Variants in GNA12 observed in about 807,000 individuals in gnomAD.
GNA12 encodes G protein subunit alpha 12, also known as guanine nucleotide-binding protein subunit alpha-12.
GNA12 carries 9 observed loss-of-function variants against 26.0 expected under a neutral mutation model. That is an observed-to-expected ratio of 0.35 (90% confidence interval 0.21 to 0.60). The LOEUF is 0.60. Among genes scored for constraint, GNA12 ranks in the 20% least tolerant of loss-of-function variants. The probability of loss-of-function intolerance (pLI) is 0.78; values close to 1 mark genes in which losing one functional copy is unlikely to be tolerated. For synonymous variants in GNA12, 264 were observed against 219.6 expected (o/e 1.20, Z -1.79); for missense variants, 405 against 525.8 (o/e 0.77, Z 2.25).
chr7:2,804,908 A>ATTT lies in GNA12; in HGVS notation c.310-9766_310-9765insAAA, dbSNP rs1426351064. The stretch of plus-strand genomic sequence containing the variant: ...ACCCTATCTCTATTAAAATAAATTA[A>ATTT]AAAAAAAAAGATATTGAAGAGGATA... On this transcript the variant is annotated intron_variant, in intron 1 of 3. Coordinates refer to ENST00000275364, the MANE Select transcript of GNA12 (RefSeq NM_007353.3). Among the ~76,000 whole-genome samples the ATTT allele has an allele frequency of 1.2e-3, 183 of 149,866 alleles. 1 individual carries two copies. Among genetic ancestry groups the ATTT allele is most frequent in the African/African-American group, 4.2e-3 (171 of 40,814 alleles).
At chr7:2,787,603 G>A (rs893720956) in intron 2 of GNA12, among the ~76,000 whole-genome samples, 1 of 152,206 alleles carries the variant, frequency 6.6e-6, no homozygotes, top group African/African-American at 2.4e-5. Context: ...AAGCTACGTT[G>A]GTGAGAGCTA....
chr7:2,830,249 T>G (rs964277424), intron 1 of GNA12, among the ~76,000 whole-genome samples: 2 of 152,158 alleles, frequency 1.3e-5, no homozygotes, highest in African/African-American at 4.8e-5. Context: ...AGAATCTTCT[T>G]TTTGCCTTGG....
intron 2 of GNA12, among the ~76,000 whole-genome samples, chr7:2,753,546 T>G (rs1791139272): frequency 6.6e-6 from 1 of 152,152 alleles, no homozygotes; most frequent in African/African-American, 2.4e-5. Context: ...CTGGGAGAAT[T>G]CCATGGTCTG....
intron 2 of GNA12, among the ~76,000 whole-genome samples, chr7:2,745,249 A>G (rs930354996): frequency 6.6e-6 from 1 of 152,240 alleles, no homozygotes. Context: ...GAAGGAAAAA[A>G]TGTTAAGGGC....
intron 2 of GNA12, among the ~76,000 whole-genome samples, chr7:2,746,257 C>CAA (rs1790758260): frequency 6.6e-6 from 1 of 152,112 alleles, no homozygotes; most frequent in Admixed American, 6.6e-5. Flanking sequence ...CAAAATTGAC[C>CAA]ACTTGATAGT....
chr7:2,746,741 GA>G (rs1160106823), intron 2 of GNA12, among the ~76,000 whole-genome samples: 3 of 152,062 alleles, frequency 2.0e-5, no homozygotes, highest in Admixed American at 1.3e-4. Context: ...CTGGTTTTTT[GA>G]AAAGATCAAC....
In GNA12 at chr7:2,738,856, C is replaced by G. The variant is rs77756278; in HGVS notation, c.526-5355G>C. ...TTTTGTTTGTTTTTTTGTTTTTTGC[C>G]AGAATGTGAAAGTACAGAGGAGCTG... On this transcript the variant is annotated intron_variant, in intron 2 of 3. Transcript: ENST00000275364. Among the ~76,000 whole-genome samples the G allele has an allele frequency of 9.2e-3, 1,403 of 152,114 alleles. 16 individuals are homozygous for G. Among genetic ancestry groups the G allele is most frequent in the African/African-American group, 0.032 (1,326 of 41,508 alleles).
intron 3 of GNA12, among the ~76,000 whole-genome samples, chr7:2,732,345 A>G (rs1212832106): frequency 6.6e-6 from 1 of 152,180 alleles, no homozygotes; most frequent in Non-Finnish European, 1.5e-5. Context: ...CCAGAAGTTC[A>G]AGAACAGCCT....
chr7:2,792,579 ATCT>A (rs1190708212), intron 2 of GNA12, among the ~76,000 whole-genome samples: 1 of 152,222 alleles, frequency 6.6e-6, no homozygotes, highest in Non-Finnish European at 1.5e-5. Context: ...ATGAATGAGA[ATCT>A]TCTTTCCCAG....
intron 1 of GNA12, among the ~76,000 whole-genome samples, chr7:2,804,904 A>AT (rs537498482): frequency 0.011 from 1,310 of 115,110 alleles, 9 homozygotes; most frequent in Middle Eastern, 0.086. Flanking sequence ...ATTAAAATAA[A>AT]TTAAAAAAAA....
intron 1 of GNA12, chr7:2,835,885 G>T (rs1778823110): frequency 1.8e-6 from 1 of 566,746 alleles, no homozygotes; most frequent in East Asian, 3.3e-5. Context: ...AATGTTAGAA[G>T]CAGCAAATAA....
chr7:2,785,366 C>T (rs918164398), intron 2 of GNA12, among the ~76,000 whole-genome samples: 1 of 152,136 alleles, frequency 6.6e-6, no homozygotes, highest in African/African-American at 2.4e-5. Context: ...CAAACGGTGT[C>T]AATATCAAAT....
chr7:2,782,378 G>C (rs144041536), intron 2 of GNA12, among the ~76,000 whole-genome samples: 1 of 152,276 alleles, frequency 6.6e-6, no homozygotes, highest in African/African-American at 2.4e-5. Flanking sequence ...TATGATTCCT[G>C]TTGGGAGGAT....
chr7:2,790,608 A>C (rs1792492291), intron 2 of GNA12, among the ~76,000 whole-genome samples: 1 of 152,194 alleles, frequency 6.6e-6, no homozygotes, highest in Non-Finnish European at 1.5e-5. Context: ...TCAGGTCAGG[A>C]TCCACACACC....
chr7:2,760,769 G>A lies in GNA12; in HGVS notation c.526-27268C>T, dbSNP rs76044561. Among the ~76,000 whole-genome samples the A allele has an allele frequency of 5.2e-3, 798 of 152,328 alleles. 7 individuals carry two copies. Among genetic ancestry groups the A allele is most frequent in the African/African-American group, 0.018 (752 of 41,578 alleles). ...TTCTAATCTTTCCTCTAGGGACAGC[G>A]TCGAGCTCCCTACTGCTGGACCGTC... On this transcript the variant is annotated intron_variant, in intron 2 of 3. Coordinates refer to ENST00000275364, the MANE Select transcript of GNA12 (RefSeq NM_007353.3).
chr7:2,758,282 T>A (rs537869435), intron 2 of GNA12, among the ~76,000 whole-genome samples: 2 of 152,354 alleles, frequency 1.3e-5, no homozygotes, highest in African/African-American at 4.8e-5. Flanking sequence ...CCTAGCACTT[T>A]AAGAAAACAA....
intron 2 of GNA12, among the ~76,000 whole-genome samples, chr7:2,768,724 TTCATTCCCAC>T (rs1235668420): frequency 1.3e-4 from 19 of 148,904 alleles, no homozygotes; most frequent in Non-Finnish European, 2.4e-4. Flanking sequence ...TAAAGGAGAG[TTCATTCCCAC>T]TCATTCCCAC....
chr7:2,738,148 C>A (rs557247072), intron 2 of GNA12, among the ~76,000 whole-genome samples: 14 of 152,246 alleles, frequency 9.2e-5, no homozygotes, highest in Non-Finnish European at 1.6e-4. Context: ...GAGGACCAGG[C>A]GTGGTGGCTC....
At chr7:2,793,675 G>A (rs1792576916) in intron 2 of GNA12, among the ~76,000 whole-genome samples, 1 of 152,052 alleles carries the variant, frequency 6.6e-6, no homozygotes, top group Non-Finnish European at 1.5e-5. Flanking sequence ...CTGAGGCCAG[G>A]AGTTCGAGAC....
Sources: allele counts gnomAD v4.1 joint callset (sites outside exome capture counted in the v4.1 genomes callset), GRCh38; gene constraint gnomAD v4.1.1; transcripts MANE v1.5; gene names NCBI Gene and HGNC (gene_info 2026-07-23, HGNC 2026-07-21).